ATP10D: variants seen among roughly 807,000 people sequenced by gnomAD.
ATP10D encodes phospholipid-transporting ATPase VD.
In ATP10D, 89 loss-of-function variants were observed where a neutral mutation model predicts 144.8. The ratio of observed to expected loss-of-function variants is 0.61; its 90% CI spans 0.52 to 0.73. The LOEUF (loss-of-function observed/expected upper bound fraction) is 0.73, where lower values mean the gene tolerates loss of function less well. Ranked by LOEUF, ATP10D falls within the 30% of genes least tolerant of loss-of-function variation. The pLI is 0.00. For synonymous variants in ATP10D, 571 were observed against 615.1 expected, an observed-to-expected ratio of 0.93 and a Z score of 1.06; for missense variants, 1,603 against 1,714.8, an observed-to-expected ratio of 0.93 and a Z score of 1.15.
At chr4:47,588,600 G>A (rs1359926510) in intron 22 of ATP10D, among the ~76,000 whole-genome samples, 1 of 152,138 alleles carries the variant, frequency 6.6e-6, no homozygotes, top group Non-Finnish European at 1.5e-5. Flanking sequence ...GCTCTGATCT[G>A]TAGCTGTATC....
chr4:47,571,643 A>G (rs10004038), intron 16 of ATP10D, among the ~76,000 whole-genome samples: 23,919 of 152,164 alleles, frequency 0.16, 2,031 homozygotes, highest in Non-Finnish European at 0.19. Flanking sequence ...GGGGGAGACC[A>G]GTAAGTCTGT....
intron 2 of ATP10D, among the ~76,000 whole-genome samples, chr4:47,513,537 A>G (rs1323034762): frequency 1.3e-5 from 2 of 152,222 alleles, no homozygotes; most frequent in Non-Finnish European, 2.9e-5. Flanking sequence ...ACTTAATAAC[A>G]GAGGGTGGGT....
chr4:47,515,518 G>T lies in ATP10D; in HGVS notation c.333G>T (p.Trp111Cys). The part of the protein sequence containing the change: ...LYFLFLVVLN[W>C]VPLVEAFQKE... ...TCCTGTTCCTAGTTGTCCTGAACTG[G>T]GTACCTTTGGTAGAAGCCTTCCAAA... Residue 111 changes from tryptophan (W) to cysteine (C), a missense_variant, in exon 3 of 23, where the codon TGG (tryptophan) becomes TGT (cysteine). Trp to Cys is a radical substitution (Grantham distance 215, BLOSUM62 -2). Coordinates refer to ENST00000273859, the MANE Select transcript of ATP10D (RefSeq NM_020453.4). 1 of 1,613,890 alleles carries T rather than the reference G, an allele frequency of 6.2e-7. No homozygotes were observed. The highest frequency in any genetic ancestry group is 8.5e-7 in the Non-Finnish European group (1 of 1,179,840).
chr4:47,507,507 C>G (rs145785152), intron 1 of ATP10D, among the ~76,000 whole-genome samples: 24 of 152,318 alleles, frequency 1.6e-4, no homozygotes, highest in African/African-American at 5.3e-4. Context: ...GATACAATCA[C>G]AAGCTAAAAG....
rs186065648 is a variant in ATP10D, at chr4:47,555,840, A to G, written c.1824+926A>G. On this transcript the variant is annotated intron_variant, in intron 11 of 22. Transcript: ENST00000273859. ...GTGATCTCAGCTCACTGCACCCTCC[A>G]CCTCCCAGGTTCAAGCAATTCTTCT... 1.1e-3 allele frequency among the ~76,000 whole-genome samples: 158 copies of G among 150,456 alleles called. 3 individuals are homozygous for G. The highest frequency in any genetic ancestry group is 3.8e-3 in the African/African-American group (156 of 40,792).
At chr4:47,500,624 G>A (rs1029101212) in intron 1 of ATP10D, among the ~76,000 whole-genome samples, 7 of 152,174 alleles carry the variant, frequency 4.6e-5, no homozygotes, top group Non-Finnish European at 1.0e-4. Context: ...TAGCTGACAG[G>A]GCTAATATAG....
In ATP10D at chr4:47,581,952, CT is replaced by C; in HGVS notation, c.3649-5del. On this transcript the variant is annotated splice_region_variant and splice_polypyrimidine_tract_variant and intron_variant, in intron 20 of 22. Coordinates refer to ENST00000273859, the MANE Select transcript of ATP10D (RefSeq NM_020453.4). The stretch of plus-strand genomic sequence containing the variant: ...TCTCCAGGATCATCTAATGTCCTCT[CT>C]TTGTAGACCTACCAGGGCTCAGATA... The C allele has an allele frequency of 6.2e-7, 1 of 1,609,704 alleles. No homozygotes were observed. Among genetic ancestry groups the C allele is most frequent in the Non-Finnish European group, 8.5e-7 (1 of 1,176,102 alleles).
At chr4:47,517,465 G>C (rs973282749) in intron 3 of ATP10D, among the ~76,000 whole-genome samples, 1 of 152,136 alleles carries the variant, frequency 6.6e-6, no homozygotes, top group Non-Finnish European at 1.5e-5. Flanking sequence ...AGTTGATAGT[G>C]TGTGTTTATT....
At position 47,554,714 on chromosome 4, in the gene ATP10D, T is replaced by C; in HGVS notation, c.1636-12T>C. On this transcript the variant is annotated splice_polypyrimidine_tract_variant and intron_variant, in intron 10 of 22. Transcript: ENST00000273859. The stretch of plus-strand genomic sequence containing the variant: ...CTTCTTATAACAACACACTGTCTTA[T>C]TGGATCTTCAGGAAACAGACGTGGT... 2 of 1,597,636 alleles carry C rather than the reference T, an allele frequency of 1.3e-6. No homozygotes were observed. Among genetic ancestry groups the C allele is most frequent in the Non-Finnish European group, 8.5e-7 (1 of 1,171,072 alleles).
chr4:47,502,125 C>T lies in ATP10D; in HGVS notation c.-37-10379C>T, dbSNP rs142649299. On this transcript the variant is annotated intron_variant, in intron 1 of 22. Coordinates refer to ENST00000273859, the MANE Select transcript of ATP10D (RefSeq NM_020453.4). ...TTACCTGCCTTTTGCTAGCCTAAAC[C>T]AGCTTTGAGCCTAATTATTCATAAA... Among the ~76,000 whole-genome samples the T allele has an allele frequency of 7.2e-3, 1,089 of 152,224 alleles. 14 individuals are homozygous for T. Among genetic ancestry groups the T allele is most frequent in the African/African-American group, 0.024 (1,017 of 41,538 alleles).
Position 47,515,663 on chromosome 4 carries a change from T to G in ATP10D, c.478T>G (p.Tyr160Asp). Residue 160 changes from tyrosine to aspartate, a missense_variant, in exon 3 of 23, where the codon TAT (tyrosine) becomes GAT (aspartate). Physicochemically the swap from Tyr to Asp is radical, Grantham distance 160. Coordinates refer to ENST00000273859, the MANE Select transcript of ATP10D (RefSeq NM_020453.4). ...KQINNLITKV[Y>D]SRKEKKYIDR... ...GATCAATAATTTAATAACTAAAGTT[T>G]ATAGTAGGTAAGTGTAATGGGACCT... The G allele has an allele frequency of 6.3e-7, 1 of 1,591,882 alleles. No homozygotes were observed. Among genetic ancestry groups the G allele is most frequent in the Non-Finnish European group, 8.6e-7 (1 of 1,160,310 alleles).
intron 15 of ATP10D, among the ~76,000 whole-genome samples, chr4:47,565,460 T>TA (rs1351976630): frequency 6.6e-6 from 1 of 152,136 alleles, no homozygotes; most frequent in African/African-American, 2.4e-5. Context: ...GAATGTAGCC[T>TA]AGGTGGCTGG....
chr4:47,558,180 G>A lies in ATP10D; in HGVS notation c.2341G>A (p.Val781Ile). 1 of 1,614,174 alleles carries A rather than the reference G, an allele frequency of 6.2e-7. No individual in the cohort carries two copies. Among genetic ancestry groups the A allele is most frequent in the Admixed American group, 1.7e-5 (1 of 60,016 alleles). The change falls in exon 12 of 23, where the codon GTT becomes ATT. Residue 781 changes from valine (V) to isoleucine (I), a missense_variant. Val to Ile is a conservative substitution (Grantham distance 29, BLOSUM62 3). Transcript: ENST00000273859. Reference sequence around the variant, plus strand: ...TGACTCAGTAAGAAAAAGAATGTCTGTTGTGGTCCGACACCCTCTTTCCAA... The same window carrying A: ...TGACTCAGTAAGAAAAAGAATGTCTATTGTGGTCCGACACCCTCTTTCCAA... ...PFDSVRKRMS[V>I]VVRHPLSNQV...
intron 16 of ATP10D, among the ~76,000 whole-genome samples, chr4:47,570,283 A>C (rs1162776550): frequency 6.6e-6 from 1 of 152,160 alleles, no homozygotes; most frequent in Non-Finnish European, 1.5e-5. Flanking sequence ...TATATGAGAG[A>C]AAGAGTTGTC....
At chr4:47,554,617 C>T (rs947181755) in intron 10 of ATP10D, 109 bp from the exon 11 acceptor site, 9 of 810,298 alleles carry the variant, frequency 1.1e-5, no homozygotes, top group Admixed American at 2.9e-5. Context: ...TAAAGTTTAC[C>T]ATCTCATGAT....
chr4:47,564,403 G>A (rs1301250949), intron 15 of ATP10D, among the ~76,000 whole-genome samples: 1 of 151,926 alleles, frequency 6.6e-6, no homozygotes, highest in Non-Finnish European at 1.5e-5. Context: ...AGCCCAAAAT[G>A]AGAAAATATA....
chr4:47,569,831 A>G (rs188379615), intron 16 of ATP10D, among the ~76,000 whole-genome samples: 4 of 152,202 alleles, frequency 2.6e-5, no homozygotes, highest in Non-Finnish European at 5.9e-5. Flanking sequence ...TAAAGGGGCC[A>G]TGGGAGACAT....
At chr4:47,541,433 A>G (rs1189242855) in intron 9 of ATP10D, among the ~76,000 whole-genome samples, 1 of 152,174 alleles carries the variant, frequency 6.6e-6, no homozygotes, top group Non-Finnish European at 1.5e-5. Context: ...TGGGATGTTG[A>G]AGCCAAGATA....
intron 19 of ATP10D, 43 bp downstream of exon 19, chr4:47,577,016 T>G: frequency 6.5e-7 from 1 of 1,544,632 alleles, no homozygotes; most frequent in Non-Finnish European, 8.9e-7. Flanking sequence ...GCATATCCAT[T>G]GTCAAAGCCA....
Sources: gnomAD v4.1 joint callset for allele counts (sites outside exome capture counted in the v4.1 genomes callset) on GRCh38, gnomAD v4.1.1 for gene constraint, MANE v1.5 for transcripts, NCBI Gene and HGNC (gene_info 2026-07-23, HGNC 2026-07-21) for gene names.